MRPL37: variants seen among roughly 807,000 people sequenced by gnomAD.
MRPL37 encodes the protein large ribosomal subunit protein mL37.
Under a neutral mutation model 44.1 loss-of-function variants are expected in MRPL37, and 34 were observed. That is an observed-to-expected ratio of 0.77 (90% CI 0.59 to 1.03). The LOEUF (loss-of-function observed/expected upper bound fraction) is 1.03, where lower values mean the gene tolerates loss of function less well. MRPL37 is among the 50% of genes least tolerant of loss of function. MRPL37 has a pLI of 0.00. For missense variants in MRPL37, 532 were observed against 543.7 expected (o/e 0.98, Z 0.21); for synonymous variants, 212 against 219.5 (o/e 0.97, Z 0.30).
downstream of MRPL37, among the ~76,000 whole-genome samples, chr1:54,218,909 T>G (rs959286718): frequency 6.6e-6 from 1 of 152,270 alleles, no homozygotes; most frequent in African/African-American, 2.4e-5. Context: ...ATGCCTAGCA[T>G]GTGCCATGCA....
At chr1:54,200,976 G>A (rs1282730195) in intron 1 of MRPL37, among the ~76,000 whole-genome samples, 1 of 152,186 alleles carries the variant, frequency 6.6e-6, no homozygotes, top group Non-Finnish European at 1.5e-5. Flanking sequence ...TATTTTAAAA[G>A]TAGTTGGAGA....
At chr1:54,202,511 CTTTT>C (rs934489736) in intron 1 of MRPL37, among the ~76,000 whole-genome samples, 1 of 151,112 alleles carries the variant, frequency 6.6e-6, no homozygotes, top group Non-Finnish European at 1.5e-5. Context: ...CTCTCTCTCT[CTTTT>C]TTTTTCTTTC....
intron 3 of MRPL37, among the ~76,000 whole-genome samples, chr1:54,208,004 T>C (rs910584344): frequency 6.6e-6 from 1 of 152,164 alleles, no homozygotes; most frequent in East Asian, 1.9e-4. Flanking sequence ...CAAGGTGTTT[T>C]TCCAGGCACA....
intron 3 of MRPL37, among the ~76,000 whole-genome samples, chr1:54,208,571 A>AG (rs1175073704): frequency 6.7e-6 from 1 of 150,032 alleles, no homozygotes; most frequent in Admixed American, 6.6e-5. Context: ...AAAAAAAAAG[A>AG]ATCTCCTCTC....
In MRPL37 at chr1:54,200,570, C is replaced by T; in HGVS notation, c.327C>T (p.His109=). The T allele has an allele frequency of 6.3e-7, 1 of 1,598,280 alleles. No homozygotes were observed. ...YKDQACYIFH[H]RCRLLEGVKQ... ...ACCAGGCCTGCTATATCTTTCACCA[C>T]CGTTGCCGCCTTCTCGAGGGTGAGG... Residue 109 remains histidine (H), a synonymous_variant, in exon 1 of 7, where the codon CAC becomes CAT. Transcript: ENST00000360840.
intron 1 of MRPL37, among the ~76,000 whole-genome samples, chr1:54,201,831 A>G (rs1644085941): frequency 6.6e-6 from 1 of 152,216 alleles, no homozygotes; most frequent in Admixed American, 6.5e-5. Flanking sequence ...GGTGACTTTC[A>G]GTAAATGGCA....
At chr1:54,210,271 C>T (rs1644154866) in intron 4 of MRPL37, 140 bp downstream of exon 4, 2 of 745,986 alleles carry the variant, frequency 2.7e-6, no homozygotes, top group African/African-American at 3.5e-5. Context: ...CATGTGGCAG[C>T]CCCATGAGAC....
intron 5 of MRPL37, among the ~76,000 whole-genome samples, chr1:54,215,487 T>A (rs1398956203): frequency 1.3e-5 from 2 of 152,166 alleles, no homozygotes; most frequent in Admixed American, 6.5e-5. Flanking sequence ...ATCCTGGCGC[T>A]GGCATGGCTG....
At chr1:54,203,534 C>G (rs899794549) in intron 1 of MRPL37, among the ~76,000 whole-genome samples, 1 of 133,176 alleles carries the variant, frequency 7.5e-6, no homozygotes, top group Non-Finnish European at 1.5e-5. Context: ...AGTGCAGTGG[C>G]GTGATCTTGG....
chr1:54,223,516 G>C (rs1171248352), downstream of MRPL37, among the ~76,000 whole-genome samples: 1 of 152,220 alleles, frequency 6.6e-6, no homozygotes, highest in Non-Finnish European at 1.5e-5. Flanking sequence ...GGCCTAGCGC[G>C]TTAGTGGCTA....
At chr1:54,210,188 C>T (rs1427798302) in intron 4 of MRPL37, 57 bp downstream of exon 4, 4 of 1,546,802 alleles carry the variant, frequency 2.6e-6, no homozygotes, top group South Asian at 2.4e-5. Flanking sequence ...CATGCTTTTT[C>T]TGGAGGGAAA....
chr1:54,223,081 G>A (rs756212603), downstream of MRPL37, among the ~76,000 whole-genome samples: 1 of 152,218 alleles, frequency 6.6e-6, no homozygotes, highest in Non-Finnish European at 1.5e-5. Flanking sequence ...CAGGTTCTGC[G>A]GCTCCGCAGG....
chr1:54,221,292 G>A (rs559201858), downstream of MRPL37, among the ~76,000 whole-genome samples: 2 of 152,178 alleles, frequency 1.3e-5, no homozygotes, highest in African/African-American at 4.8e-5. Flanking sequence ...AGCAGGACAG[G>A]ATCCTCTCGG....
chr1:54,205,776 C>G (rs1457731076), intron 3 of MRPL37, among the ~76,000 whole-genome samples: 1 of 152,208 alleles, frequency 6.6e-6, no homozygotes, highest in African/African-American at 2.4e-5. Context: ...TCACTTACAC[C>G]TCTCTCGTCT....
downstream of MRPL37, among the ~76,000 whole-genome samples, chr1:54,218,578 T>A (rs1339608759): frequency 1.3e-5 from 2 of 152,356 alleles, no homozygotes; most frequent in Non-Finnish European, 2.9e-5. Context: ...CGTTGAAGAC[T>A]CTGGGTTATG....
At chr1:54,219,470 G>A (rs1557735736), downstream of MRPL37, among the ~76,000 whole-genome samples, 1 of 152,232 alleles carries the variant, frequency 6.6e-6, no homozygotes, top group Non-Finnish European at 1.5e-5. Context: ...GGGACAGGAA[G>A]TGACTGGAAG....
Position 54,200,180 on chromosome 1 carries a change from A to G in MRPL37, c.-64A>G. ...TTGGCGCCCGGTCTCATTCGTTCCC[A>G]GCAGGCCCTGCGCGCGGCAACATGG... On this transcript the variant is annotated 5_prime_UTR_variant, in exon 1 of 7. Transcript: ENST00000360840. 1 of 1,472,644 alleles carries G rather than the reference A, an allele frequency of 6.8e-7. No individual in the cohort carries two copies. The allele number at this position is 1,472,644 out of a possible 1,614,324, so 91.2% of individuals were successfully genotyped here.
chr1:54,216,428 G>C, intron 6 of MRPL37, 84 bp downstream of exon 6: 4 of 1,477,842 alleles, frequency 2.7e-6, no homozygotes, highest in Non-Finnish European at 3.7e-6. Flanking sequence ...TTGCTGGGGT[G>C]CTCTGTGAGG....
At chr1:54,200,980 T>C (rs149687563) in intron 1 of MRPL37, among the ~76,000 whole-genome samples, 1 of 152,304 alleles carries the variant, frequency 6.6e-6, no homozygotes, top group East Asian at 1.9e-4. Flanking sequence ...TTAAAAGTAG[T>C]TGGAGAGAGT....
Sources: gnomAD v4.1 joint callset for allele counts (sites outside exome capture counted in the v4.1 genomes callset) on GRCh38, gnomAD v4.1.1 for gene constraint, MANE v1.5 for transcripts, NCBI Gene and HGNC (gene_info 2026-07-23, HGNC 2026-07-21) for gene names.